The following R3HDM2 variants were observed in gnomAD, a reference collection of about 807,000 sequenced individuals.
The protein encoded by R3HDM2 is R3H domain-containing protein 2.
A neutral mutation model predicts 124.5 loss-of-function variants in R3HDM2; 38 were observed. The ratio of observed to expected loss-of-function variants is 0.31; its 90% confidence interval spans 0.24 to 0.40. R3HDM2 has a LOEUF of 0.40. Ranked by LOEUF, R3HDM2 falls within the 10% of genes least tolerant of loss-of-function variation. The pLI, the probability that R3HDM2 is intolerant of heterozygous loss-of-function variation, is 1.00. For missense variants in R3HDM2, 869 were observed against 1,236.9 expected, an observed-to-expected ratio of 0.70 and a Z score of 4.46; for synonymous variants, 391 against 448.0, an observed-to-expected ratio of 0.87 and a Z score of 1.61.
At chr12:57,428,899 A>G (rs1347760897) in intron 1 of R3HDM2, among the ~76,000 whole-genome samples, 1 of 151,904 alleles carries the variant, frequency 6.6e-6, no homozygotes, top group East Asian at 1.9e-4. Context: ...GGTGCCTGCC[A>G]CCACGCCTGG....
At chr12:57,426,566 G>T (rs2070758837) in intron 1 of R3HDM2, among the ~76,000 whole-genome samples, 1 of 152,114 alleles carries the variant, frequency 6.6e-6, no homozygotes, top group Non-Finnish European at 1.5e-5. Flanking sequence ...AGCTAGGTAG[G>T]GTCAGAGAAG....
At chr12:57,344,912 C>T (rs2059936745) in intron 2 of R3HDM2, among the ~76,000 whole-genome samples, 1 of 152,044 alleles carries the variant, frequency 6.6e-6, no homozygotes, top group Non-Finnish European at 1.5e-5. Flanking sequence ...CCGCAACCTC[C>T]ACCTTTCCAC....
At chr12:57,409,512 C>CAAAAAAA (rs71448520) in intron 1 of R3HDM2, among the ~76,000 whole-genome samples, 1 of 98,198 alleles carries the variant, frequency 1.0e-5, no homozygotes, top group Non-Finnish European at 2.1e-5. Flanking sequence ...AGAGGTGGGG[C>CAAAAAAA]AAAAAAAAAA....
intron 2 of R3HDM2, among the ~76,000 whole-genome samples, chr12:57,387,403 C>G (rs546154505): frequency 1.3e-5 from 2 of 152,282 alleles, no homozygotes; most frequent in Admixed American, 6.5e-5. Context: ...TCCAGACACA[C>G]CGCCTTTAAG....
chr12:57,390,459 A>T (rs1394248710), intron 2 of R3HDM2, among the ~76,000 whole-genome samples: 3 of 152,154 alleles, frequency 2.0e-5, no homozygotes, highest in African/African-American at 7.2e-5. Flanking sequence ...GCACTTTGGG[A>T]GGCTGAGACA....
intron 2 of R3HDM2, among the ~76,000 whole-genome samples, chr12:57,369,263 T>C (rs1357338514): frequency 6.6e-6 from 1 of 152,138 alleles, no homozygotes; most frequent in African/African-American, 2.4e-5. Context: ...ACATAACTCT[T>C]GTGAAAAGTG....
At chr12:57,281,425 T>C (rs1410768651) in intron 13 of R3HDM2, among the ~76,000 whole-genome samples, 1 of 152,150 alleles carries the variant, frequency 6.6e-6, no homozygotes, top group Non-Finnish European at 1.5e-5. Flanking sequence ...TGCCAAGCAC[T>C]GTATAATGAA....
At position 57,303,165 on chromosome 12, in the gene R3HDM2, A is replaced by G; in HGVS notation, c.207+11T>C. On this transcript the variant is annotated intron_variant, in intron 4 of 23. Transcript: ENST00000402412. ...TAACATTAGAAAAGAAGCTAGAGGA[A>G]GGGCTCTCACCTTGGCTCTTTTCCT... is the stretch of plus-strand genomic sequence containing the variant. The G allele has an allele frequency of 6.7e-7, 1 of 1,502,734 alleles. No homozygotes were observed. The highest frequency in any genetic ancestry group is 9.1e-7 in the Non-Finnish European group (1 of 1,102,530). The allele number at this position is 1,502,734 out of a possible 1,614,324, so 93.1% of individuals were successfully genotyped here.
intron 9 of R3HDM2, among the ~76,000 whole-genome samples, chr12:57,295,869 A>T (rs28705352): frequency 9.9e-5 from 15 of 151,944 alleles, no homozygotes; most frequent in Non-Finnish European, 1.6e-4. Flanking sequence ...ACTTAAAAAA[A>T]TTTTTTTTGT....
chr12:57,297,172 A>C, intron 8 of R3HDM2, 156 bp downstream of exon 8: 1 of 542,318 alleles, frequency 1.8e-6, no homozygotes, highest in South Asian at 2.7e-5. Flanking sequence ...GAAAAGATAT[A>C]AATTATTTTT....
At chr12:57,347,568 T>G (rs1488525019) in intron 2 of R3HDM2, among the ~76,000 whole-genome samples, 2 of 152,136 alleles carry the variant, frequency 1.3e-5, no homozygotes. Context: ...AACAATTATA[T>G]TAAGTGTAAA....
At chr12:57,324,180 A>C (rs1054327190) in intron 2 of R3HDM2, among the ~76,000 whole-genome samples, 4 of 152,130 alleles carry the variant, frequency 2.6e-5, no homozygotes, top group African/African-American at 7.2e-5. Context: ...ATTCAGTATT[A>C]AAACAATCTT....
At position 57,300,133 on chromosome 12, in the gene R3HDM2, A is replaced by C; in HGVS notation, c.256T>G (p.Ser86Ala). 6.4e-7 allele frequency: 1 copy of C among 1,551,432 alleles called. No homozygotes were observed. Among genetic ancestry groups the C allele is most frequent in the Non-Finnish European group, 8.7e-7 (1 of 1,146,888 alleles). The stretch of plus-strand genomic sequence containing the variant: ...GGCCCATCAGCAAATGGGGTGGAGG[A>C]CTCCTCACACACTGCCAGGCTACGC... ...LVRSLAVCEE[S>A]STPFADGPLE... Residue 86 changes from serine (S) to alanine (A), a missense_variant, in exon 5 of 24, where the codon TCC (serine) becomes GCC (alanine). Transcript: ENST00000402412.
intron 1 of R3HDM2, among the ~76,000 whole-genome samples, chr12:57,424,697 A>C (rs2070549874): frequency 6.6e-6 from 1 of 152,174 alleles, no homozygotes; most frequent in South Asian, 2.1e-4. Flanking sequence ...TATTTTTTGA[A>C]AACCTAGCCT....
chr12:57,341,880 T>C (rs1369383695), intron 2 of R3HDM2, among the ~76,000 whole-genome samples: 2 of 152,206 alleles, frequency 1.3e-5, no homozygotes, highest in Non-Finnish European at 2.9e-5. Context: ...TCTCATAAGC[T>C]GCATCTGAAT....
intron 2 of R3HDM2, among the ~76,000 whole-genome samples, chr12:57,341,064 C>A (rs1438261633): frequency 6.6e-6 from 1 of 152,168 alleles, no homozygotes; most frequent in African/African-American, 2.4e-5. Flanking sequence ...GTCTGAGAAA[C>A]AGTGTACAAA....
At chr12:57,272,314 G>T in intron 14 of R3HDM2, 2 of 725,022 alleles carry the variant, frequency 2.8e-6, no homozygotes, top group Non-Finnish European at 4.9e-6. Flanking sequence ...AGCCTGTGCT[G>T]GTCCCTCAAG....
chr12:57,317,687 AAG>A (rs1555254299), intron 2 of R3HDM2, among the ~76,000 whole-genome samples: 16 of 140,538 alleles, frequency 1.1e-4, no homozygotes, highest in African/African-American at 3.9e-4. Context: ...AAAAAAAAAA[AAG>A]GGTATATTAA....
intron 1 of R3HDM2, among the ~76,000 whole-genome samples, chr12:57,423,587 G>A (rs1367399650): frequency 1.3e-5 from 2 of 151,162 alleles, no homozygotes; most frequent in Non-Finnish European, 3.0e-5. Flanking sequence ...CGAGGCGGGT[G>A]GACTGTCTGA....
Sources: allele counts gnomAD v4.1 joint callset (sites outside exome capture counted in the v4.1 genomes callset), GRCh38; gene constraint gnomAD v4.1.1; transcripts MANE v1.5; gene names NCBI Gene and HGNC (gene_info 2026-07-23, HGNC 2026-07-21).